Variants in NFASC observed in about 807,000 individuals in gnomAD.
NFASC encodes neurofascin homolog.
NFASC carries 43 observed loss-of-function variants against 147.5 expected under a neutral mutation model. The observed-to-expected ratio is 0.29, with a 90% CI of 0.23 to 0.38. NFASC has a LOEUF of 0.38. Ranked by LOEUF, NFASC falls within the 10% of genes least tolerant of loss-of-function variation. NFASC has a pLI of 1.00. For missense variants in NFASC, 1,320 were observed against 1,689.0 expected, an observed-to-expected ratio of 0.78 and a Z score of 3.83; for synonymous variants, 622 against 665.5, an observed-to-expected ratio of 0.93 and a Z score of 1.01.
chr1:204,947,435 C>T (rs1309475451), intron 3 of NFASC, among the ~76,000 whole-genome samples: 2 of 152,186 alleles, frequency 1.3e-5, no homozygotes, highest in African/African-American at 4.8e-5. Flanking sequence ...CTCATTTGCC[C>T]CTTCAGTGGA....
intron 14 of NFASC, 119 bp downstream of exon 14, chr1:204,974,942 G>T: frequency 9.1e-7 from 1 of 1,102,926 alleles, no homozygotes; most frequent in Non-Finnish European, 1.3e-6. Context: ...CCTGGAGTGG[G>T]CTGCCCAGTT....
In NFASC at chr1:205,017,259, G is replaced by A; in HGVS notation, c.*720G>A. On this transcript the variant is annotated 3_prime_UTR_variant, in exon 30 of 30. Coordinates refer to ENST00000339876, the MANE Select transcript of NFASC (RefSeq NM_001005388.3). ...AGGCCTCCTTGCTGCTCTCTGGTTTGGTTGGGAGGTGTGTTTACCTCTTGC... is the reference window on the plus strand; with the variant it reads ...AGGCCTCCTTGCTGCTCTCTGGTTTAGTTGGGAGGTGTGTTTACCTCTTGC... The A allele has an allele frequency of 6.3e-6, 1 of 159,796 alleles. No homozygotes were observed. The highest frequency in any genetic ancestry group is 5.8e-5 in the Admixed American group (1 of 17,182). 9.9% of individuals were successfully genotyped at this position (159,796 alleles called of 1,614,324 possible).
intron 1 of NFASC, among the ~76,000 whole-genome samples, chr1:204,835,141 G>A (rs1182451899): frequency 1.3e-5 from 2 of 150,914 alleles, no homozygotes; most frequent in East Asian, 3.9e-4. Context: ...GTTCTAGAAA[G>A]CTGATGGAAG....
intron 26 of NFASC, among the ~76,000 whole-genome samples, chr1:205,001,620 G>A (rs1169042673): frequency 6.6e-6 from 1 of 152,128 alleles, no homozygotes; most frequent in Non-Finnish European, 1.5e-5. Flanking sequence ...TCTGTCCTCT[G>A]CATTGATCTC....
chr1:204,891,744 T>C (rs1490903994), intron 1 of NFASC, among the ~76,000 whole-genome samples: 1 of 152,160 alleles, frequency 6.6e-6, no homozygotes, highest in Admixed American at 6.5e-5. Flanking sequence ...AGTAGGTTGG[T>C]CCAGGAAACA....
chr1:204,843,558 T>C (rs1219294993), intron 1 of NFASC, among the ~76,000 whole-genome samples: 1 of 151,924 alleles, frequency 6.6e-6, no homozygotes, highest in Non-Finnish European at 1.5e-5. Flanking sequence ...TCTGTCTCTC[T>C]CTCTCCCTTC....
intron 1 of NFASC, among the ~76,000 whole-genome samples, chr1:204,884,029 C>T (rs190912743): frequency 1.2e-4 from 19 of 152,292 alleles, no homozygotes; most frequent in African/African-American, 4.3e-4. Context: ...TTTTCCCTCC[C>T]CTGCGTCTCA....
At chr1:204,994,935 A>G (rs1426944854) in intron 24 of NFASC, among the ~76,000 whole-genome samples, 1 of 152,096 alleles carries the variant, frequency 6.6e-6, no homozygotes, top group African/African-American at 2.4e-5. Flanking sequence ...TTCCATGACA[A>G]AACCCCATCT....
rs538524264 is a variant in NFASC, at chr1:204,906,829, A to G, written c.-199-13803A>G. ...TCCCCGAGTAGCTGGGACTACAGGC[A>G]CCCGCCACCCTGCCCGGCTAATTTT... On this transcript the variant is annotated intron_variant, in intron 1 of 29. Transcript: ENST00000339876. Among the ~76,000 whole-genome samples the G allele has an allele frequency of 1.3e-3, 193 of 151,854 alleles. 1 individual carries two copies. The highest frequency in any genetic ancestry group is 5.0e-3 in the Admixed American group (77 of 15,248).
intron 1 of NFASC, among the ~76,000 whole-genome samples, chr1:204,915,146 G>C (rs1011924817): frequency 5.3e-5 from 8 of 152,132 alleles, no homozygotes; most frequent in Non-Finnish European, 1.0e-4. Context: ...CGGGCGTGGT[G>C]GTGGGTGCCT....
chr1:204,833,369 T>A (rs901853656), intron 1 of NFASC, among the ~76,000 whole-genome samples: 2 of 152,164 alleles, frequency 1.3e-5, no homozygotes, highest in Non-Finnish European at 2.9e-5. Context: ...AACAGGTGAG[T>A]TGCAGAGCTA....
intron 1 of NFASC, among the ~76,000 whole-genome samples, chr1:204,841,066 C>T (rs1352258240): frequency 6.6e-6 from 1 of 152,214 alleles, no homozygotes; most frequent in African/African-American, 2.4e-5. Flanking sequence ...TGACTCACGT[C>T]CTAACGACCC....
intron 1 of NFASC, among the ~76,000 whole-genome samples, chr1:204,917,695 G>A (rs185886545): frequency 6.6e-6 from 1 of 152,204 alleles, no homozygotes; most frequent in Non-Finnish European, 1.5e-5. Context: ...TGGTCTCTGA[G>A]TCCTTTTGAC....
At chr1:204,937,475 AC>A (rs2092965395) in intron 2 of NFASC, among the ~76,000 whole-genome samples, 1 of 151,958 alleles carries the variant, frequency 6.6e-6, no homozygotes, top group African/African-American at 2.4e-5. Context: ...CTCAACCTGC[AC>A]CCCCAGCAAC....
chr1:204,916,151 A>C (rs2089201340), intron 1 of NFASC, among the ~76,000 whole-genome samples: 1 of 152,182 alleles, frequency 6.6e-6, no homozygotes, highest in Admixed American at 6.5e-5. Context: ...CCAAGTGCCT[A>C]GCAAACTGAC....
chr1:204,869,859 A>G (rs1231551115), intron 1 of NFASC, among the ~76,000 whole-genome samples: 1 of 152,146 alleles, frequency 6.6e-6, no homozygotes, highest in African/African-American at 2.4e-5. Context: ...GTTGTTTCTA[A>G]CTTTTTCTTA....
intron 8 of NFASC, among the ~76,000 whole-genome samples, chr1:204,966,122 C>T (rs1385968870): frequency 2.0e-5 from 3 of 152,120 alleles, no homozygotes; most frequent in South Asian, 2.1e-4. Context: ...AGTAGCTTCT[C>T]CTTCTTTAGG....
intron 27 of NFASC, among the ~76,000 whole-genome samples, chr1:205,007,828 T>C (rs533082886): frequency 3.3e-5 from 5 of 152,092 alleles, no homozygotes; most frequent in African/African-American, 1.2e-4. Flanking sequence ...CAGGTCAGGA[T>C]AAGGAATGGA....
Position 204,856,464 on chromosome 1 carries a change from A to G in NFASC, c.-200+27682A>G, listed in dbSNP as rs1036078859. Among the ~76,000 whole-genome samples, 113 of 152,092 alleles carry G rather than the reference A, an allele frequency of 7.4e-4. 1 individual carries two copies. The highest frequency in any genetic ancestry group is 2.7e-3 in the African/African-American group (112 of 41,486). ...GCCAAACATATGTAAAAAAGAAACT[A>G]GAACGATCCCCCATGTACCTAATGT... On this transcript the variant is annotated intron_variant, in intron 1 of 29. Transcript: ENST00000339876.
Sources: gnomAD v4.1 joint callset for allele counts (sites outside exome capture counted in the v4.1 genomes callset) on GRCh38, gnomAD v4.1.1 for gene constraint, MANE v1.5 for transcripts, NCBI Gene and HGNC (gene_info 2026-07-23, HGNC 2026-07-21) for gene names.